The following MRTFA variants were observed in gnomAD, a reference collection of about 807,000 sequenced individuals.
The protein encoded by MRTFA is myocardin related transcription factor A, also known as myocardin-related transcription factor A.
In MRTFA, 20 loss-of-function variants were observed where a neutral mutation model predicts 83.5. The ratio of observed to expected loss-of-function variants is 0.24; its 90% CI spans 0.17 to 0.35. MRTFA has a LOEUF of 0.35. MRTFA is among the 10% of genes least tolerant of loss of function. MRTFA has a pLI of 1.00. For missense variants in MRTFA, 1,200 were observed against 1,224.7 expected, an observed-to-expected ratio of 0.98 and a Z score of 0.30; for synonymous variants, 659 against 541.2, an observed-to-expected ratio of 1.22 and a Z score of -3.02.
chr22:40,611,285 G>C (rs1488553974), intron 1 of MRTFA, among the ~76,000 whole-genome samples: 1 of 151,888 alleles, frequency 6.6e-6, no homozygotes, highest in Non-Finnish European at 1.5e-5. Context: ...CACTCAGGCT[G>C]GAGTGCAGTG....
In MRTFA at chr22:40,583,381, G is replaced by A. The variant is rs372768284; in HGVS notation, c.-22+11293C>T. The stretch of plus-strand genomic sequence containing the variant: ...AAATTTTCCTGCAGAAGTGCCTCAA[G>A]ACCAAAGAAGAGGACAATTCCCCAG... On this transcript the variant is annotated intron_variant, in intron 2 of 14. Transcript: ENST00000355630. 2.0e-5 allele frequency among the ~76,000 whole-genome samples: 3 copies of A among 152,294 alleles called. No homozygotes were observed. The East Asian group carries it at 5.8e-4, about 29-fold the overall frequency.
intron 3 of MRTFA, among the ~76,000 whole-genome samples, chr22:40,498,265 ATATATATATTTTTT>A (rs2054391591): frequency 1.1e-5 from 1 of 89,582 alleles, no homozygotes; most frequent in African/African-American, 5.1e-5. Context: ...ATATATATAT[ATATATATATTTTTT>A]TTTTTTTTTT....
At chr22:40,553,369 AG>A (rs2147314331) in intron 2 of MRTFA, among the ~76,000 whole-genome samples, 1 of 152,268 alleles carries the variant, frequency 6.6e-6, no homozygotes, top group African/African-American at 2.4e-5. Context: ...TCGAAGGCAT[AG>A]GAGGGAAAAA....
At chr22:40,600,756 GA>G (rs2147394614) in intron 1 of MRTFA, among the ~76,000 whole-genome samples, 1 of 152,244 alleles carries the variant, frequency 6.6e-6, no homozygotes, top group African/African-American at 2.4e-5. Context: ...GAGGCAGGCG[GA>G]TCACAAGGTC....
intron 1 of MRTFA, among the ~76,000 whole-genome samples, chr22:40,630,644 G>A (rs769293295): frequency 2.0e-5 from 3 of 152,158 alleles, no homozygotes; most frequent in Admixed American, 1.3e-4. Context: ...CACAAAATCC[G>A]TCCTTTGAAT....
intron 3 of MRTFA, among the ~76,000 whole-genome samples, chr22:40,484,267 G>A (rs2054139668): frequency 2.0e-5 from 3 of 151,978 alleles, no homozygotes; most frequent in Non-Finnish European, 2.9e-5. Flanking sequence ...ATTTGATAAA[G>A]TCTGCAGCAA....
intron 14 of MRTFA, chr22:40,412,963 C>A (rs1198564869): frequency 6.6e-6 from 1 of 151,720 alleles, no homozygotes; most frequent in Non-Finnish European, 1.5e-5. Context: ...TGGTGAAACC[C>A]CGACCTCTAC....
At chr22:40,439,853 A>G (rs1201925872) in intron 4 of MRTFA, 1 of 152,652 alleles carries the variant, frequency 6.6e-6, no homozygotes, top group African/African-American at 2.4e-5. Flanking sequence ...GAAGACCAAG[A>G]AAAGAATTCA....
intron 7 of MRTFA, among the ~76,000 whole-genome samples, chr22:40,428,610 C>T (rs75918933): frequency 2.6e-5 from 4 of 152,254 alleles, no homozygotes; most frequent in Non-Finnish European, 4.4e-5. Context: ...AACTCTTGGA[C>T]GCAAGCGATC....
intron 3 of MRTFA, among the ~76,000 whole-genome samples, chr22:40,487,332 A>G (rs1450584791): frequency 6.6e-6 from 1 of 152,208 alleles, no homozygotes; most frequent in East Asian, 1.9e-4. Flanking sequence ...ATACATTTAT[A>G]TAATACTTTA....
At chr22:40,597,298 A>G (rs1019660643) in intron 1 of MRTFA, among the ~76,000 whole-genome samples, 1 of 152,364 alleles carries the variant, frequency 6.6e-6, no homozygotes, top group Non-Finnish European at 1.5e-5. Context: ...CATTCTCACG[A>G]ATACGTCTGC....
intron 7 of MRTFA, 74 bp from the exon 8 acceptor site, chr22:40,424,455 A>G (rs2052911209): frequency 6.7e-7 from 1 of 1,503,210 alleles, no homozygotes; most frequent in Non-Finnish European, 9.0e-7. Flanking sequence ...CCTGGCTCGC[A>G]GGCCACAGGC....
At chr22:40,579,857 T>A (rs1001588996) in intron 2 of MRTFA, among the ~76,000 whole-genome samples, 1 of 141,254 alleles carries the variant, frequency 7.1e-6, no homozygotes, top group African/African-American at 2.6e-5. Flanking sequence ...CGAAACTCCA[T>A]CTCAAAAAAA....
At chr22:40,419,526 GCC>G (rs1470106536) in intron 11 of MRTFA, 142 bp from the exon 12 acceptor site, 2 of 709,084 alleles carry the variant, frequency 2.8e-6, no homozygotes. Context: ...AGGGTGCAAT[GCC>G]CCCCACCACC....
chr22:40,419,108 A>T lies in MRTFA; in HGVS notation c.1630T>A (p.Phe544Ile). The T allele has an allele frequency of 1.3e-6, 2 of 1,594,946 alleles. No individual in the cohort carries two copies. The highest frequency in any genetic ancestry group is 1.7e-6 in the Non-Finnish European group (2 of 1,171,044). ...GGGGGCGTGGAGCCCGTGCTGCCAA[A>T]CTTCACCACCCCACTGCTGGCCACC... Residue 544 changes from phenylalanine (F) to isoleucine (I), a missense_variant, in exon 12 of 15, where the codon TTT becomes ATT. Physicochemically the swap from Phe to Ile is conservative, Grantham distance 21. This residue lies in a region of MRTFA where 1,107 missense variants were observed against 1,041.8 expected (regional missense o/e 1.06). Coordinates refer to ENST00000355630, the MANE Select transcript of MRTFA (RefSeq NM_020831.6).
rs768745630 is a variant in MRTFA at position 40,420,509 on chromosome 22, T to A, written c.1249A>T (p.Ser417Cys). 8.1e-6 allele frequency: 13 copies of A among 1,613,800 alleles called. No homozygotes were observed. Among genetic ancestry groups the A allele is most frequent in the Non-Finnish European group, 1.1e-5 (13 of 1,180,010 alleles). Residue 417 changes from serine to cysteine, a missense_variant, in exon 11 of 15, where the codon AGC (serine) becomes TGC (cysteine). Physicochemically the swap from Ser to Cys is moderately radical, Grantham distance 112. Around this residue, in one of 2 missense-constraint regions of MRTFA, gnomAD observed 1,107 missense variants for 1,041.8 expected, o/e 1.06. Transcript: ENST00000355630. ...GGCCCAGGGGCGCCCGAGCTGGAGC[T>A]GCTATTGGTAGTGGAGAGGCTGCGT...
intron 4 of MRTFA, among the ~76,000 whole-genome samples, chr22:40,457,404 AAG>A (rs764619254): frequency 2.0e-5 from 3 of 148,682 alleles, no homozygotes; most frequent in Non-Finnish European, 4.4e-5. Context: ...GAAAGAAAGA[AAG>A]AGAGAGAGAG....
intron 3 of MRTFA, among the ~76,000 whole-genome samples, chr22:40,499,914 CTT>C (rs72041822): frequency 5.7e-4 from 48 of 84,950 alleles, no homozygotes; most frequent in South Asian, 2.8e-3. Context: ...TCAAGTAGAC[CTT>C]TTTTTTTTTT....
At chr22:40,531,966 A>G (rs868407324) in intron 3 of MRTFA, among the ~76,000 whole-genome samples, 1 of 152,214 alleles carries the variant, frequency 6.6e-6, no homozygotes, top group Non-Finnish European at 1.5e-5. Flanking sequence ...GAACATAAAC[A>G]AAAGAAAGAA....
Sources: allele counts gnomAD v4.1 joint callset (sites outside exome capture counted in the v4.1 genomes callset), GRCh38; gene constraint gnomAD v4.1.1; regional missense constraint gnomAD v4.1.1; transcripts MANE v1.5; gene names NCBI Gene and HGNC (gene_info 2026-07-23, HGNC 2026-07-21).